INPP5B: variants seen among roughly 807,000 people sequenced by gnomAD.
INPP5B encodes type II inositol 1,4,5-trisphosphate 5-phosphatase.
Under a neutral mutation model 118.5 loss-of-function variants are expected in INPP5B, and 90 were observed. That is an observed-to-expected ratio of 0.76 (90% CI 0.64 to 0.90). INPP5B has a LOEUF of 0.90. Among genes scored for constraint, INPP5B ranks in the 40% least tolerant of loss-of-function variants. The probability of loss-of-function intolerance (pLI) is 0.00; values close to 1 mark genes in which losing one functional copy is unlikely to be tolerated. For synonymous variants in INPP5B, 385 were observed against 418.9 expected, an observed-to-expected ratio of 0.92 and a Z score of 0.99; for missense variants, 984 against 1,125.6, an observed-to-expected ratio of 0.87 and a Z score of 1.80.
At chr1:37,871,598 T>C (rs936245983) in intron 19 of INPP5B, among the ~76,000 whole-genome samples, 2 of 151,866 alleles carry the variant, frequency 1.3e-5, no homozygotes, top group Non-Finnish European at 2.9e-5. Context: ...TGAAACTCCC[T>C]CTCTATTAAA....
At chr1:37,873,782 C>T (rs1642620343) in intron 18 of INPP5B, among the ~76,000 whole-genome samples, 1 of 152,222 alleles carries the variant, frequency 6.6e-6, no homozygotes, top group South Asian at 2.1e-4. Context: ...TTATGGAACA[C>T]ATAAATGACT....
intron 7 of INPP5B, among the ~76,000 whole-genome samples, chr1:37,895,846 G>A (rs1413202477): frequency 1.3e-5 from 2 of 152,038 alleles, no homozygotes; most frequent in East Asian, 1.9e-4. Context: ...GTGCAGTGGC[G>A]TGATCTCGGC....
chr1:37,873,212 G>C (rs771197226), intron 18 of INPP5B, 47 bp from the exon 19 acceptor site: 4 of 1,338,578 alleles, frequency 3.0e-6, no homozygotes, highest in Non-Finnish European at 4.3e-6. Context: ...CAGGCCAAGA[G>C]GAAAGGGGAA....
chr1:37,917,308 T>TTATA lies in INPP5B; in HGVS notation c.532+14601_532+14604dup, dbSNP rs368327131. 6.9e-3 allele frequency among the ~76,000 whole-genome samples: 641 copies of TTATA among 92,768 alleles called. 14 individuals carry two copies. The highest frequency in any genetic ancestry group is 0.018 in the African/African-American group (442 of 24,300). 60.9% of individuals were successfully genotyped at this position (92,768 alleles called of 152,430 possible). A position where few individuals can be genotyped will look rare whatever the true frequency, so the allele number is the denominator to read the frequency against. ...CGTCTCGGGGGAAAAAAAAAAATAA[T>TTATA]TATATATATATATATATATATATAT... On this transcript the variant is annotated intron_variant, in intron 7 of 23. Transcript: ENST00000373024.
intron 13 of INPP5B, chr1:37,883,844 T>C: frequency 5.1e-6 from 5 of 985,448 alleles, no homozygotes; most frequent in Non-Finnish European, 6.0e-6. Flanking sequence ...TTGGCAGATA[T>C]CACGGCCCCA....
intron 7 of INPP5B, among the ~76,000 whole-genome samples, chr1:37,905,861 C>T (rs1644486127): frequency 6.6e-6 from 1 of 152,126 alleles, no homozygotes; most frequent in Non-Finnish European, 1.5e-5. Flanking sequence ...ATTGCTGATC[C>T]CTTGTTTTGT....
At chr1:37,945,234 C>T (rs546121724) in intron 3 of INPP5B, among the ~76,000 whole-genome samples, 69 of 152,286 alleles carry the variant, frequency 4.5e-4, no homozygotes, top group Non-Finnish European at 8.1e-4. Flanking sequence ...ACTTCAAGAC[C>T]AGCCTGGCCA....
intron 15 of INPP5B, chr1:37,878,620 T>G: frequency 2.4e-4 from 56 of 237,176 alleles, no homozygotes; most frequent in Non-Finnish European, 3.6e-4. Context: ...GTAAGCATGC[T>G]ATGGTCTTTA....
intron 8 of INPP5B, 107 bp downstream of exon 8, chr1:37,891,251 C>G: frequency 2.9e-6 from 2 of 680,336 alleles, no homozygotes; most frequent in South Asian, 2.0e-5. Flanking sequence ...AAGGACACTT[C>G]CTAGGCCAGC....
chr1:37,869,548 C>T (rs953026471), intron 19 of INPP5B, among the ~76,000 whole-genome samples: 26 of 151,866 alleles, frequency 1.7e-4, no homozygotes, highest in Non-Finnish European at 3.4e-4. Flanking sequence ...GGTGCGATCT[C>T]GGCTCACTGC....
intron 19 of INPP5B, among the ~76,000 whole-genome samples, chr1:37,871,183 C>T (rs1254285386): frequency 7.2e-6 from 1 of 138,212 alleles, no homozygotes. Context: ...AAAGGCCGGG[C>T]GCAGTGGCTC....
In INPP5B at chr1:37,862,186, T is replaced by C; in HGVS notation, c.*129A>G. Reference sequence around the variant, plus strand: ...CCAATGGTGGGCTTAATTGGGGTACTAGGCTCAGGAAATAGCTGCCATTCT... The same window carrying C: ...CCAATGGTGGGCTTAATTGGGGTACCAGGCTCAGGAAATAGCTGCCATTCT... On this transcript the variant is annotated 3_prime_UTR_variant, in exon 24 of 24. Coordinates refer to ENST00000373024, the MANE Select transcript of INPP5B (RefSeq NM_005540.3). The C allele has an allele frequency of 3.0e-6, 2 of 656,166 alleles. No homozygotes were observed. The highest frequency in any genetic ancestry group is 2.7e-5 in the East Asian group (1 of 37,652). 40.6% of individuals were successfully genotyped at this position (656,166 alleles called of 1,614,324 possible). A position where few individuals can be genotyped will look rare whatever the true frequency, so the allele number is the denominator to read the frequency against.
chr1:37,883,165 T>C (rs925723697), intron 13 of INPP5B: 1 of 985,270 alleles, frequency 1.0e-6, no homozygotes. Context: ...TTTATTCTTG[T>C]AGGTTGGAAA....
intron 7 of INPP5B, among the ~76,000 whole-genome samples, chr1:37,921,680 C>T (rs959720934): frequency 6.6e-6 from 1 of 152,040 alleles, no homozygotes; most frequent in Admixed American, 6.6e-5. Flanking sequence ...AACCCTGTCT[C>T]TACTAAAAAT....
chr1:37,874,089 C>T lies in INPP5B; in HGVS notation c.1855G>A (p.Val619Ile). The T allele has an allele frequency of 1.2e-6, 2 of 1,607,042 alleles. No individual in the cohort carries two copies. The highest frequency in any genetic ancestry group is 1.7e-6 in the Non-Finnish European group (2 of 1,174,664). Residue 619 changes from valine (V) to isoleucine (I), a missense_variant, in exon 18 of 24, where the codon GTA becomes ATA. By Grantham distance (29) the Val-to-Ile change is conservative. Transcript: ENST00000373024. Reference protein sequence around the residue: ...VESFTIHNGQVPCHFEFINKP... With the variant: ...VESFTIHNGQIPCHFEFINKP... The stretch of plus-strand genomic sequence containing the variant: ...TTGATGAATTCAAAATGACAGGGTA[C>T]TTGTCCATTATGAATTGTAAAGGAT...
intron 7 of INPP5B, among the ~76,000 whole-genome samples, chr1:37,896,607 A>G (rs1644090713): frequency 7.2e-6 from 1 of 138,690 alleles, no homozygotes; most frequent in African/African-American, 2.7e-5. Context: ...TGGGGGGGTC[A>G]GCCCCCCGCC....
chr1:37,908,719 C>A (rs574246827), intron 7 of INPP5B, among the ~76,000 whole-genome samples: 1 of 152,156 alleles, frequency 6.6e-6, no homozygotes, highest in African/African-American at 2.4e-5. Context: ...ATTCACCCAC[C>A]CTCCACTGGT....
At chr1:37,923,133 T>G (rs1418461304) in intron 7 of INPP5B, among the ~76,000 whole-genome samples, 1 of 152,186 alleles carries the variant, frequency 6.6e-6, no homozygotes, top group African/African-American at 2.4e-5. Context: ...TGTATGGGTC[T>G]CTACAATTCA....
At chr1:37,931,870 G>A (rs753215499) in intron 7 of INPP5B, 43 bp downstream of exon 7, 4 of 1,613,296 alleles carry the variant, frequency 2.5e-6, no homozygotes, top group Non-Finnish European at 3.4e-6. Context: ...CTGTGGCCGG[G>A]CCTCCTCCAA....
Sources: gnomAD v4.1 joint callset for allele counts (sites outside exome capture counted in the v4.1 genomes callset) on GRCh38, gnomAD v4.1.1 for gene constraint, MANE v1.5 for transcripts, NCBI Gene and HGNC (gene_info 2026-07-23, HGNC 2026-07-21) for gene names.